The following KSR2 variants were observed in gnomAD, a reference collection of about 807,000 sequenced individuals.
KSR2 encodes the protein kinase suppressor of ras 2.
In KSR2, 25 loss-of-function variants were observed where a neutral mutation model predicts 107.8. That is an observed-to-expected ratio of 0.23 (90% confidence interval 0.17 to 0.32). The LOEUF (loss-of-function observed/expected upper bound fraction) is 0.32, where lower values mean the gene tolerates loss of function less well. KSR2 is among the 10% of genes least tolerant of loss of function. The probability of loss-of-function intolerance (pLI) is 1.00; values close to 1 mark genes in which losing one functional copy is unlikely to be tolerated. For missense variants in KSR2, 887 were observed against 1,268.9 expected (o/e 0.70, Z 4.57); for synonymous variants, 480 against 507.0 (o/e 0.95, Z 0.71).
chr12:117,521,688 CTG>C (rs1874768652), intron 14 of KSR2, among the ~76,000 whole-genome samples: 1 of 152,198 alleles, frequency 6.6e-6, no homozygotes, highest in Non-Finnish European at 1.5e-5. Context: ...GAATGTGCCA[CTG>C]TGAATTGATC....
Position 117,471,281 on chromosome 12 carries a change from G to C in KSR2, c.2622C>G (p.Phe874Leu), listed in dbSNP as rs749409597. The C allele has an allele frequency of 1.9e-6, 3 of 1,613,856 alleles. No individual in the cohort carries two copies. Among genetic ancestry groups the C allele is most frequent in the Non-Finnish European group, 2.5e-6 (3 of 1,179,842 alleles). ...TTATTGCCTCTGCTGGTTGGGTCTT[G>C]AAAGGCCATTCCCTGGCGTGGAGTT... is the stretch of plus-strand genomic sequence containing the variant. ...WYELHAREWPFKTQPAEAIIW... is the reference protein window; with the variant it reads ...WYELHAREWPLKTQPAEAIIW... Residue 874 changes from phenylalanine (F) to leucine (L), a missense_variant, in exon 18 of 20, where the codon TTC becomes TTG. Physicochemically the swap from Phe to Leu is conservative, Grantham distance 22. Transcript: ENST00000339824.
Position 117,870,553 on chromosome 12 carries a change from C to T in KSR2, c.181-10122G>A, listed in dbSNP as rs77348100. Among the ~76,000 whole-genome samples the T allele has an allele frequency of 0.041, 6,237 of 152,002 alleles. 723 individuals are homozygous for T. In the East Asian group the frequency reaches 0.43, roughly 10 times the overall value. On this transcript the variant is annotated intron_variant, in intron 1 of 19. Transcript: ENST00000339824. Reference sequence around the variant, plus strand: ...GGCAGAGGCTGCAGTAAGCCGAGATCGCACCACTGTACTCCAGCCTGGGCA... The same window carrying T: ...GGCAGAGGCTGCAGTAAGCCGAGATTGCACCACTGTACTCCAGCCTGGGCA...
chr12:117,815,685 T>TGGGTGGTATAGAAA (rs1368555340), intron 3 of KSR2, among the ~76,000 whole-genome samples: 1 of 152,064 alleles, frequency 6.6e-6, no homozygotes, highest in East Asian at 1.9e-4. Flanking sequence ...AGAAAGTGTG[T>TGGGTGGTATAGAAA]GTGTGGGGGG....
chr12:117,929,700 T>A (rs1376750332), intron 1 of KSR2, among the ~76,000 whole-genome samples: 1 of 152,232 alleles, frequency 6.6e-6, no homozygotes, highest in East Asian at 1.9e-4. Context: ...AGTAGTGATA[T>A]GTGCTGCAAT....
chr12:117,968,056 T>TTTC lies in KSR2; in HGVS notation c.180+19_180+20insGAA. 1.3e-6 allele frequency: 1 copy of TTTC among 775,304 alleles called. No homozygotes were observed. Among genetic ancestry groups the TTTC allele is most frequent in the Non-Finnish European group, 1.9e-6 (1 of 516,824 alleles). The allele number at this position is 775,304 out of a possible 1,614,324, so 48.0% of individuals were successfully genotyped here. On this transcript the variant is annotated intron_variant, in intron 1 of 19. Coordinates refer to ENST00000339824, the MANE Select transcript of KSR2 (RefSeq NM_173598.6). The stretch of plus-strand genomic sequence containing the variant: ...TTTTTTTTTTTTTTTTTTTTTTTTT[T>TTTC]TCCCGTAGGCAACACCTACCTCCAG...
chr12:117,532,461 G>A lies in KSR2; in HGVS notation c.1688-754C>T, dbSNP rs565090629. ...TTTAGGGACTGCCCAGATAAGCTAAGATAATCCTCCCATCTCAAGATCCAT... is the reference window on the plus strand; with the variant it reads ...TTTAGGGACTGCCCAGATAAGCTAAAATAATCCTCCCATCTCAAGATCCAT... On this transcript the variant is annotated intron_variant, in intron 10 of 19. Coordinates refer to ENST00000339824, the MANE Select transcript of KSR2 (RefSeq NM_173598.6). Among the ~76,000 whole-genome samples, 34 of 152,250 alleles carry A rather than the reference G, an allele frequency of 2.2e-4. No individual in the cohort carries two copies. In the South Asian group the frequency reaches 3.9e-3, roughly 18 times the overall value.
At chr12:117,847,397 C>G (rs1054220756) in intron 3 of KSR2, among the ~76,000 whole-genome samples, 1 of 152,184 alleles carries the variant, frequency 6.6e-6, no homozygotes, top group Non-Finnish European at 1.5e-5. Context: ...TGCCAGTTCT[C>G]CCCCTTGATA....
chr12:117,493,774 CA>C (rs1872872528), intron 14 of KSR2, among the ~76,000 whole-genome samples: 1 of 152,096 alleles, frequency 6.6e-6, no homozygotes, highest in South Asian at 2.1e-4. Flanking sequence ...GGGAGGGGCC[CA>C]GGGGGAGGTA....
intron 3 of KSR2, among the ~76,000 whole-genome samples, chr12:117,823,335 G>T (rs1269923823): frequency 6.6e-6 from 1 of 152,162 alleles, no homozygotes; most frequent in Non-Finnish European, 1.5e-5. Flanking sequence ...CAGACAGGAG[G>T]CTGCTACAGT....
chr12:117,794,203 A>ACT (rs1296587049), intron 3 of KSR2, among the ~76,000 whole-genome samples: 4 of 117,278 alleles, frequency 3.4e-5, no homozygotes, highest in African/African-American at 3.6e-5. Context: ...CACCATGCAC[A>ACT]CATACACCAA....
chr12:117,721,393 A>G (rs1887199187), intron 4 of KSR2, among the ~76,000 whole-genome samples: 1 of 152,232 alleles, frequency 6.6e-6, no homozygotes, highest in Admixed American at 6.5e-5. Context: ...ATAGTATAGA[A>G]GGCTATATGG....
intron 3 of KSR2, among the ~76,000 whole-genome samples, chr12:117,787,367 C>T (rs1038918077): frequency 1.3e-5 from 2 of 151,996 alleles, no homozygotes; most frequent in Admixed American, 6.6e-5. Flanking sequence ...GAGCAGTGGC[C>T]CACATCTGTA....
intron 9 of KSR2, among the ~76,000 whole-genome samples, chr12:117,553,373 T>C (rs1424521589): frequency 6.6e-6 from 1 of 152,258 alleles, no homozygotes; most frequent in Non-Finnish European, 1.5e-5. Context: ...CAGAGTCTGA[T>C]TTGTTTTCTA....
chr12:117,611,824 G>A (rs983906830), intron 5 of KSR2, among the ~76,000 whole-genome samples: 1 of 152,194 alleles, frequency 6.6e-6, no homozygotes, highest in Non-Finnish European at 1.5e-5. Context: ...CAACATGGAT[G>A]AGACTAGAGT....
Position 117,604,383 on chromosome 12 carries a change from A to T in KSR2, c.1172-22024T>A, listed in dbSNP as rs952378293. On this transcript the variant is annotated intron_variant, in intron 5 of 19. Transcript: ENST00000339824. The stretch of plus-strand genomic sequence containing the variant: ...CCAAATCAAAAAGAAAAAAGAAAAG[A>T]CAATCTGTTTTCAATTCGTTTGGGT... Among the ~76,000 whole-genome samples the T allele has an allele frequency of 9.2e-5, 14 of 152,340 alleles. 1 individual carries two copies. In the South Asian group the frequency reaches 1.9e-3, roughly 20 times the overall value.
intron 4 of KSR2, among the ~76,000 whole-genome samples, chr12:117,668,775 G>T (rs566495544): frequency 3.9e-5 from 6 of 152,222 alleles, no homozygotes; most frequent in African/African-American, 1.2e-4. Flanking sequence ...AGTTCCTTCA[G>T]AAGAAAGAAT....
intron 4 of KSR2, among the ~76,000 whole-genome samples, chr12:117,714,050 T>G (rs1886888069): frequency 1.3e-5 from 2 of 149,396 alleles, no homozygotes. Flanking sequence ...TTTCCTGATT[T>G]GGGGGCGGGA....
In KSR2 at chr12:117,855,298, G is replaced by A. The variant is rs547825097; in HGVS notation, c.472+130C>T. 50 of 1,196,420 alleles carry A rather than the reference G, an allele frequency of 4.2e-5. No homozygotes were observed. The African/African-American group carries it at 4.5e-4, about 11-fold the overall frequency. The allele number at this position is 1,196,420 out of a possible 1,614,324, so 74.1% of individuals were successfully genotyped here. On this transcript the variant is annotated intron_variant, in intron 3 of 19. Coordinates refer to ENST00000339824, the MANE Select transcript of KSR2 (RefSeq NM_173598.6). The stretch of plus-strand genomic sequence containing the variant: ...CCAGGTCCACGCTGCCTCTTCCTGC[G>A]TTTCGGATTTGCCCCCCAGGGTTGA...
chr12:117,754,443 G>C (rs1453547740), intron 4 of KSR2, among the ~76,000 whole-genome samples: 1 of 151,940 alleles, frequency 6.6e-6, no homozygotes, highest in African/African-American at 2.4e-5. Context: ...TTCAAGACCA[G>C]CCTGATCAAC....
Sources: allele counts gnomAD v4.1 joint callset (sites outside exome capture counted in the v4.1 genomes callset), GRCh38; gene constraint gnomAD v4.1.1; transcripts MANE v1.5; gene names NCBI Gene and HGNC (gene_info 2026-07-23, HGNC 2026-07-21).